The following FGF12 variants were observed in gnomAD, a reference collection of about 807,000 sequenced individuals.
FGF12 encodes fibroblast growth factor 12.
Under a neutral mutation model 23.6 loss-of-function variants are expected in FGF12, and 14 were observed. That is an observed-to-expected ratio of 0.59 (90% CI 0.39 to 0.93). The LOEUF is 0.93. Ranked by LOEUF, FGF12 falls within the 40% of genes least tolerant of loss-of-function variation. The pLI is 0.00. For synonymous variants in FGF12, 62 were observed against 77.3 expected, an observed-to-expected ratio of 0.80 and a Z score of 1.04; for missense variants, 175 against 217.8, an observed-to-expected ratio of 0.80 and a Z score of 1.24.
intron 4 of FGF12, among the ~76,000 whole-genome samples, chr3:192,230,810 A>G (rs1415699137): frequency 6.6e-6 from 1 of 152,184 alleles, no homozygotes; most frequent in Non-Finnish European, 1.5e-5. Flanking sequence ...AATGTAAGGA[A>G]TGATCAATCA....
chr3:192,592,469 TG>T (rs1022375887), intron 2 of FGF12, among the ~76,000 whole-genome samples: 2 of 151,870 alleles, frequency 1.3e-5, no homozygotes, highest in African/African-American at 4.8e-5. Flanking sequence ...TCTTTTCTGC[TG>T]GTTTTTTCCC....
rs1002166947 is a variant in FGF12, at chr3:192,208,904, G to A, written c.229-38248C>T. Among the ~76,000 whole-genome samples the A allele has an allele frequency of 1.1e-4, 16 of 152,314 alleles. 2 individuals carry two copies. Among genetic ancestry groups the A allele is most frequent in the African/African-American group, 1.4e-4 (6 of 41,574 alleles). On this transcript the variant is annotated intron_variant, in intron 4 of 5. Transcript: ENST00000445105. ...ATAAAGTGTAGTATTAGTGTTCCTTGTAGTACCTTCAGTTGAACTAGTTCA... is the reference window on the plus strand; with the variant it reads ...ATAAAGTGTAGTATTAGTGTTCCTTATAGTACCTTCAGTTGAACTAGTTCA...
At position 192,392,593 on chromosome 3, in the gene FGF12, AG is replaced by A. The variant is rs1560097135; in HGVS notation, c.14-32056del. 0.015 allele frequency among the ~76,000 whole-genome samples: 208 copies of A among 13,998 alleles called. 2 individuals carry two copies. In the African/African-American group the frequency reaches 0.16, roughly 11 times the overall value. 9.2% of individuals were successfully genotyped at this position (13,998 alleles called of 152,430 possible). A position where few individuals can be genotyped will look rare whatever the true frequency, so the allele number is the denominator to read the frequency against. ...CCTGGGCAACAAAAGTGAAACTCCG[AG>A]AGAGAGAGAGAGAGAGAGAGAGAGA... On this transcript the variant is annotated intron_variant, in intron 2 of 5. Coordinates refer to ENST00000445105, the MANE Select transcript of FGF12 (RefSeq NM_004113.6).
intron 2 of FGF12, among the ~76,000 whole-genome samples, chr3:192,657,979 G>T (rs533230968): frequency 1.4e-4 from 21 of 148,654 alleles, no homozygotes; most frequent in African/African-American, 4.9e-4. Context: ...GACTATTTGG[G>T]TTTTTTTTTT....
At chr3:192,218,939 G>A (rs1348942445) in intron 4 of FGF12, among the ~76,000 whole-genome samples, 2 of 152,080 alleles carry the variant, frequency 1.3e-5, no homozygotes, top group African/African-American at 4.8e-5. Flanking sequence ...CCTGCCTTTC[G>A]GCTGCCTATT....
intron 4 of FGF12, among the ~76,000 whole-genome samples, chr3:192,287,185 C>G (rs919857095): frequency 1.3e-5 from 2 of 151,960 alleles, no homozygotes; most frequent in Admixed American, 1.3e-4. Context: ...ATCACATCGA[C>G]TACCATAATA....
intron 2 of FGF12, among the ~76,000 whole-genome samples, chr3:192,406,546 C>G (rs1720965037): frequency 6.6e-6 from 1 of 152,092 alleles, no homozygotes; most frequent in African/African-American, 2.4e-5. Flanking sequence ...GTAATTCAAA[C>G]TATTGCATAA....
Position 192,672,476 on chromosome 3 carries a change from G to A in FGF12, c.13+54705C>T, listed in dbSNP as rs969298885. On this transcript the variant is annotated intron_variant, in intron 2 of 5. Transcript: ENST00000445105. ...CTACTTACCTCAAATTCCTGCACAC[G>A]TATTGCCGTGCAGCTTGGAAAGATG... is the stretch of plus-strand genomic sequence containing the variant. Among the ~76,000 whole-genome samples, 7 of 150,566 alleles carry A rather than the reference G, an allele frequency of 4.6e-5. 1 individual carries two copies. The highest frequency in any genetic ancestry group is 7.4e-5 in the Non-Finnish European group (5 of 67,408).
chr3:192,292,377 T>C (rs1451087994), intron 4 of FGF12, among the ~76,000 whole-genome samples: 1 of 152,114 alleles, frequency 6.6e-6, no homozygotes. Context: ...CATCCTTTTC[T>C]AAGTTTTATA....
At chr3:192,625,282 C>T (rs1715126988) in intron 2 of FGF12, among the ~76,000 whole-genome samples, 1 of 152,064 alleles carries the variant, frequency 6.6e-6, no homozygotes, top group Non-Finnish European at 1.5e-5. Flanking sequence ...AATTCTCATA[C>T]TTGTATTATG....
intron 2 of FGF12, among the ~76,000 whole-genome samples, chr3:192,525,177 C>T (rs182296363): frequency 8.7e-4 from 132 of 152,200 alleles, no homozygotes; most frequent in South Asian, 2.1e-4. Context: ...AAAATTCCTA[C>T]GCTATTGATA....
At chr3:192,247,032 A>AGAAGGAAGGAAAGAAGAAG (rs1195304406) in intron 4 of FGF12, among the ~76,000 whole-genome samples, 1 of 86,320 alleles carries the variant, frequency 1.2e-5, no homozygotes, top group Admixed American at 1.2e-4. Flanking sequence ...AGGGAAGGAA[A>AGAAGGAAGGAAAGAAGAAG]GAAGGAAGGA....
intron 2 of FGF12, among the ~76,000 whole-genome samples, chr3:192,587,096 T>C (rs1003341506): frequency 3.4e-5 from 5 of 147,976 alleles, no homozygotes; most frequent in African/African-American, 1.2e-4. Flanking sequence ...GAATTAAATC[T>C]CTAAGGTTAA....
intron 2 of FGF12, among the ~76,000 whole-genome samples, chr3:192,463,115 G>C (rs1722909659): frequency 6.6e-6 from 1 of 152,082 alleles, no homozygotes; most frequent in Non-Finnish European, 1.5e-5. Context: ...GTTACTTTAG[G>C]GTGATAGAAG....
intron 2 of FGF12, among the ~76,000 whole-genome samples, chr3:192,518,965 C>T (rs1724748591): frequency 6.6e-6 from 1 of 151,854 alleles, no homozygotes; most frequent in Non-Finnish European, 1.5e-5. Context: ...ATTTTCCAAA[C>T]TTTTTTATCA....
chr3:192,705,291 C>T (rs1718432048), intron 2 of FGF12, among the ~76,000 whole-genome samples: 1 of 152,132 alleles, frequency 6.6e-6, no homozygotes, highest in Admixed American at 6.5e-5. Flanking sequence ...TTCACTTGAA[C>T]ATTTAAGGGC....
At position 192,194,650 on chromosome 3, in the gene FGF12, T is replaced by A. The variant is rs190755952; in HGVS notation, c.229-23994A>T. Among the ~76,000 whole-genome samples the A allele has an allele frequency of 1.4e-3, 209 of 152,300 alleles. 1 individual carries two copies. Among genetic ancestry groups the A allele is most frequent in the African/African-American group, 4.3e-3 (180 of 41,566 alleles). On this transcript the variant is annotated intron_variant, in intron 4 of 5. Transcript: ENST00000445105. ...CTATCATATGGATGGATTCAGAGTG[T>A]GTCAAGTTTTTCCTGATAGGATACT...
At chr3:192,403,675 C>A (rs1166594271) in intron 2 of FGF12, among the ~76,000 whole-genome samples, 1 of 151,794 alleles carries the variant, frequency 6.6e-6, no homozygotes, top group Non-Finnish European at 1.5e-5. Flanking sequence ...TAAAATATCA[C>A]CTGTCATATA....
intron 2 of FGF12, among the ~76,000 whole-genome samples, chr3:192,712,258 T>C (rs1718712659): frequency 6.6e-6 from 1 of 151,424 alleles, no homozygotes; most frequent in East Asian, 1.9e-4. Flanking sequence ...ATTTCCAGAA[T>C]ACCAGAACAA....
Sources: gnomAD v4.1 joint callset for allele counts (sites outside exome capture counted in the v4.1 genomes callset) on GRCh38, gnomAD v4.1.1 for gene constraint, MANE v1.5 for transcripts, NCBI Gene and HGNC (gene_info 2026-07-23, HGNC 2026-07-21) for gene names.